Variants in SLC24A3 observed in about 807,000 individuals in gnomAD.
SLC24A3 encodes sodium/potassium/calcium exchanger 3.
A neutral mutation model predicts 75.8 loss-of-function variants in SLC24A3; 28 were observed. The ratio of observed to expected loss-of-function variants is 0.37; its 90% CI spans 0.27 to 0.51. The LOEUF (loss-of-function observed/expected upper bound fraction) is 0.51, where lower values mean the gene tolerates loss of function less well. Ranked by LOEUF, SLC24A3 falls within the 20% of genes least tolerant of loss-of-function variation. SLC24A3 has a pLI of 0.94. For synonymous variants in SLC24A3, 372 were observed against 334.1 expected (o/e 1.11, Z -1.24); for missense variants, 663 against 847.8 (o/e 0.78, Z 2.71).
intron 6 of SLC24A3, among the ~76,000 whole-genome samples, chr20:19,642,960 T>G (rs1408598000): frequency 1.3e-5 from 2 of 152,222 alleles, no homozygotes; most frequent in African/African-American, 2.4e-5. Flanking sequence ...TAAAGAAATG[T>G]CCTTGTGTTC....
At chr20:19,624,369 G>T (rs938301532) in intron 6 of SLC24A3, among the ~76,000 whole-genome samples, 2 of 152,170 alleles carry the variant, frequency 1.3e-5, no homozygotes, top group African/African-American at 4.8e-5. Flanking sequence ...TGCACACATA[G>T]TGGCAGTATC....
intron 1 of SLC24A3, among the ~76,000 whole-genome samples, chr20:19,250,208 T>C (rs142963203): frequency 5.1e-4 from 77 of 152,332 alleles, no homozygotes; most frequent in Middle Eastern, 3.4e-3. Context: ...CAGCTAACTT[T>C]CCGACATATT....
chr20:19,682,110 C>G, intron 10 of SLC24A3, 119 bp downstream of exon 10: 1 of 1,179,484 alleles, frequency 8.5e-7, no homozygotes, highest in South Asian at 1.5e-5. Context: ...ACAAAATTAA[C>G]CAGGAGTGGT....
chr20:19,270,109 T>G (rs1214375996), intron 1 of SLC24A3, among the ~76,000 whole-genome samples: 1 of 152,204 alleles, frequency 6.6e-6, no homozygotes, highest in Non-Finnish European at 1.5e-5. Flanking sequence ...CTCCTGAACT[T>G]GCATTTTCCT....
At chr20:19,243,646 G>T (rs892259208) in intron 1 of SLC24A3, among the ~76,000 whole-genome samples, 8 of 152,150 alleles carry the variant, frequency 5.3e-5, no homozygotes, top group African/African-American at 1.9e-4. Context: ...TGACCTTTCT[G>T]CAGTCTTTGA....
intron 6 of SLC24A3, among the ~76,000 whole-genome samples, chr20:19,643,915 T>C (rs1170260360): frequency 2.0e-5 from 3 of 152,232 alleles, no homozygotes; most frequent in Non-Finnish European, 4.4e-5. Context: ...TAGCTCTAGC[T>C]ACTAATGTGA....
At chr20:19,349,173 A>T (rs533460614) in intron 2 of SLC24A3, among the ~76,000 whole-genome samples, 1 of 152,288 alleles carries the variant, frequency 6.6e-6, no homozygotes, top group South Asian at 2.1e-4. Flanking sequence ...GTTCTTTCCT[A>T]AACTTCCATA....
intron 2 of SLC24A3, among the ~76,000 whole-genome samples, chr20:19,355,362 A>G (rs775328474): frequency 9.6e-4 from 146 of 152,268 alleles, no homozygotes; most frequent in Non-Finnish European, 1.8e-3. Context: ...TGAGACAGAA[A>G]GAAGACAGGA....
chr20:19,615,661 C>T (rs990497405), intron 6 of SLC24A3, among the ~76,000 whole-genome samples: 9 of 152,188 alleles, frequency 5.9e-5, no homozygotes, highest in African/African-American at 1.9e-4. Flanking sequence ...AATCAGCTAC[C>T]AGCACCAGAA....
At chr20:19,658,928 A>G (rs563462084) in intron 7 of SLC24A3, among the ~76,000 whole-genome samples, 1 of 152,340 alleles carries the variant, frequency 6.6e-6, no homozygotes, top group East Asian at 1.9e-4. Flanking sequence ...GCAGACGGAC[A>G]GTTTTTTGTA....
intron 6 of SLC24A3, among the ~76,000 whole-genome samples, chr20:19,595,406 A>G (rs944444141): frequency 6.6e-6 from 1 of 152,154 alleles, no homozygotes; most frequent in Admixed American, 6.5e-5. Context: ...GGATGAGTAT[A>G]TGATCAGAGT....
chr20:19,326,601 A>T (rs1984869990), intron 2 of SLC24A3, among the ~76,000 whole-genome samples: 1 of 140,152 alleles, frequency 7.1e-6, no homozygotes. Context: ...TTCTTGAGAT[A>T]GTGTCTCCCT....
intron 2 of SLC24A3, among the ~76,000 whole-genome samples, chr20:19,413,535 T>A (rs984602924): frequency 6.6e-6 from 1 of 152,194 alleles, no homozygotes; most frequent in Non-Finnish European, 1.5e-5. Context: ...CCACGCTGAA[T>A]GTTCTAGCTG....
chr20:19,491,206 G>A lies in SLC24A3; in HGVS notation c.272-24282G>A, dbSNP rs557342678. 7.2e-5 allele frequency among the ~76,000 whole-genome samples: 11 copies of A among 152,234 alleles called. 1 individual carries two copies. The highest frequency in any genetic ancestry group is 1.3e-4 in the Admixed American group (2 of 15,290). The stretch of plus-strand genomic sequence containing the variant: ...TTCCCCAGGTCCCTCACCTGAGCTC[G>A]TAGTTGTCCAGAGAGGGGAAGGGCT... On this transcript the variant is annotated intron_variant, in intron 2 of 16. Transcript: ENST00000328041.
intron 12 of SLC24A3, 37 bp from the exon 13 acceptor site, chr20:19,693,218 ATTTT>A: frequency 6.8e-7 from 1 of 1,464,920 alleles, no homozygotes; most frequent in South Asian, 1.3e-5. Flanking sequence ...GTTCTTTGTT[ATTTT>A]TTTTTTATTT....
chr20:19,700,661 G>C (rs948702618), intron 15 of SLC24A3, among the ~76,000 whole-genome samples: 1 of 152,122 alleles, frequency 6.6e-6, no homozygotes. Context: ...AGGTTACTTT[G>C]TATAGCAAAG....
intron 2 of SLC24A3, among the ~76,000 whole-genome samples, chr20:19,440,765 A>G (rs780949893): frequency 1.3e-5 from 2 of 151,598 alleles, no homozygotes; most frequent in Non-Finnish European, 2.9e-5. Flanking sequence ...GAGGAAGAAG[A>G]ACGATGAGAG....
chr20:19,493,176 T>A (rs905383624), intron 2 of SLC24A3, among the ~76,000 whole-genome samples: 14 of 152,168 alleles, frequency 9.2e-5, no homozygotes, highest in Admixed American at 2.6e-4. Flanking sequence ...GCATCACAGA[T>A]GTGGGCCATT....
intron 3 of SLC24A3, among the ~76,000 whole-genome samples, chr20:19,518,604 C>A (rs1201331249): frequency 6.6e-6 from 1 of 152,174 alleles, no homozygotes; most frequent in Non-Finnish European, 1.5e-5. Flanking sequence ...AGAGCAGAAA[C>A]CAAAGGTGTT....
Sources: allele counts gnomAD v4.1 joint callset (sites outside exome capture counted in the v4.1 genomes callset), GRCh38; gene constraint gnomAD v4.1.1; transcripts MANE v1.5; gene names NCBI Gene and HGNC (gene_info 2026-07-23, HGNC 2026-07-21).